Variants in LDAH observed in about 807,000 individuals in gnomAD.
The protein encoded by LDAH is lipid droplet associated hydrolase.
A neutral mutation model predicts 29.6 loss-of-function variants in LDAH; 26 were observed. The observed-to-expected ratio is 0.88, with a 90% CI of 0.64 to 1.22. LDAH has a LOEUF of 1.22. Among genes scored for constraint, LDAH ranks in the 50% most tolerant of loss-of-function variants. The probability of loss-of-function intolerance (pLI) is 0.00; values close to 1 mark genes in which losing one functional copy is unlikely to be tolerated. For missense variants in LDAH, 344 were observed against 387.3 expected, an observed-to-expected ratio of 0.89 and a Z score of 0.94; for synonymous variants, 117 against 133.0, an observed-to-expected ratio of 0.88 and a Z score of 0.83.
chr2:20,767,556 C>A (rs1479767050), intron 4 of LDAH, among the ~76,000 whole-genome samples: 1 of 152,218 alleles, frequency 6.6e-6, no homozygotes, highest in Non-Finnish European at 1.5e-5. Flanking sequence ...CTGCAGGTGC[C>A]CCTTGGCACA....
intron 4 of LDAH, among the ~76,000 whole-genome samples, chr2:20,762,428 A>G (rs1420598568): frequency 2.0e-5 from 3 of 152,196 alleles, no homozygotes; most frequent in Admixed American, 2.0e-4. Flanking sequence ...GAAAACTACT[A>G]TAAGCCACCT....
chr2:20,708,805 G>C (rs976766274), intron 5 of LDAH, among the ~76,000 whole-genome samples: 1 of 152,030 alleles, frequency 6.6e-6, no homozygotes. Flanking sequence ...AAGCACAAGT[G>C]ACAAAAATAA....
chr2:20,751,597 T>A (rs1375410648), intron 4 of LDAH, among the ~76,000 whole-genome samples: 4 of 152,238 alleles, frequency 2.6e-5, no homozygotes, highest in Non-Finnish European at 5.9e-5. Flanking sequence ...AATGCATTTA[T>A]TCTATTTACA....
chr2:20,801,565 C>A, intron 1 of LDAH, 100 bp from the exon 2 acceptor site: 1 of 941,568 alleles, frequency 1.1e-6, no homozygotes, highest in South Asian at 1.6e-5. Flanking sequence ...TTCAATATAC[C>A]TAGAAGGAAA....
chr2:20,760,492 T>C (rs762512815), intron 4 of LDAH, among the ~76,000 whole-genome samples: 5 of 152,218 alleles, frequency 3.3e-5, no homozygotes, highest in Non-Finnish European at 5.9e-5. Context: ...CTTACCAGAC[T>C]GCAATCAAGG....
At chr2:20,817,036 C>G (rs1206280499) in intron 1 of LDAH, among the ~76,000 whole-genome samples, 1 of 151,820 alleles carries the variant, frequency 6.6e-6, no homozygotes, top group African/African-American at 2.4e-5. Flanking sequence ...AAATACAAGA[C>G]AGCAAAATTT....
intron 6 of LDAH, among the ~76,000 whole-genome samples, chr2:20,699,115 C>A (rs1663721717): frequency 6.6e-6 from 1 of 152,178 alleles, no homozygotes; most frequent in South Asian, 2.1e-4. Flanking sequence ...TTTTTCAGAA[C>A]TATTTTTAGT....
chr2:20,715,982 A>T (rs1175661555), intron 5 of LDAH, among the ~76,000 whole-genome samples: 3 of 152,156 alleles, frequency 2.0e-5, no homozygotes, highest in Admixed American at 1.3e-4. Context: ...AAAAATGCTC[A>T]TCATCACTGG....
chr2:20,689,805 T>C (rs1368967271), intron 6 of LDAH, among the ~76,000 whole-genome samples: 1 of 152,152 alleles, frequency 6.6e-6, no homozygotes, highest in Non-Finnish European at 1.5e-5. Flanking sequence ...ACCTGTCAGG[T>C]CTGTTCCTCT....
chr2:20,772,631 C>A (rs540445547), intron 4 of LDAH, among the ~76,000 whole-genome samples: 53 of 152,294 alleles, frequency 3.5e-4, no homozygotes, highest in African/African-American at 1.3e-3. Context: ...TTGATTCTAA[C>A]AAGAATACAG....
intron 3 of LDAH, among the ~76,000 whole-genome samples, chr2:20,784,841 T>G (rs561105654): frequency 1.3e-5 from 2 of 151,896 alleles, no homozygotes; most frequent in Admixed American, 6.6e-5. Context: ...GGGCCAAGAT[T>G]GTACCAATGT....
At chr2:20,794,352 A>C (rs1016779543) in intron 2 of LDAH, among the ~76,000 whole-genome samples, 11 of 152,162 alleles carry the variant, frequency 7.2e-5, no homozygotes, top group African/African-American at 2.4e-4. Context: ...GGACACAGCC[A>C]AACCATATCA....
intron 6 of LDAH, among the ~76,000 whole-genome samples, chr2:20,692,698 C>T (rs577058794): frequency 2.0e-5 from 3 of 152,278 alleles, no homozygotes; most frequent in South Asian, 4.1e-4. Flanking sequence ...TTGGTACAAA[C>T]GATATCTCAT....
chr2:20,698,677 CT>C lies in LDAH; in HGVS notation c.786+2892del, dbSNP rs1663687758. Reference sequence around the variant, plus strand: ...CCTGGGCGACAGTGCAAGACTCTGTCTCAAAAAAACAAAAAAAGGAAAAAGA... The same window carrying C: ...CCTGGGCGACAGTGCAAGACTCTGTCCAAAAAAACAAAAAAAGGAAAAAGA... On this transcript the variant is annotated intron_variant, in intron 6 of 6. Coordinates refer to ENST00000237822, the MANE Select transcript of LDAH (RefSeq NM_021925.4). This position sits in a 1 kb window ranked among gnomAD's most constrained non-coding sequence, Gnocchi z 4.4. Among the ~76,000 whole-genome samples the C allele has an allele frequency of 6.6e-6, 1 of 151,814 alleles. No individual in the cohort carries two copies. The highest frequency in any genetic ancestry group is 2.4e-5 in the African/African-American group (1 of 41,308).
chr2:20,822,149 G>C (rs543948758), intron 1 of LDAH, among the ~76,000 whole-genome samples: 1 of 147,290 alleles, frequency 6.8e-6, no homozygotes, highest in South Asian at 2.1e-4. Flanking sequence ...TTTTGAGACT[G>C]AGTCTCACTT....
chr2:20,721,740 A>T (rs1187227709), intron 5 of LDAH, among the ~76,000 whole-genome samples: 1 of 152,170 alleles, frequency 6.6e-6, no homozygotes, highest in Non-Finnish European at 1.5e-5. Flanking sequence ...TTCCCAAAAA[A>T]CTAAAACTAG....
intron 6 of LDAH, among the ~76,000 whole-genome samples, chr2:20,689,308 T>C (rs1302562369): frequency 6.6e-6 from 1 of 152,190 alleles, no homozygotes; most frequent in Non-Finnish European, 1.5e-5. Flanking sequence ...TTCTCCTACT[T>C]TTCCTCACTC....
intron 1 of LDAH, among the ~76,000 whole-genome samples, chr2:20,822,615 T>C (rs1558513119): frequency 6.6e-6 from 1 of 152,214 alleles, no homozygotes; most frequent in Non-Finnish European, 1.5e-5. Context: ...GGTTAAGGTC[T>C]TCAGCGTGAA....
At chr2:20,769,355 T>C (rs1468645588) in intron 4 of LDAH, among the ~76,000 whole-genome samples, 1 of 152,202 alleles carries the variant, frequency 6.6e-6, no homozygotes, top group Non-Finnish European at 1.5e-5. Context: ...CACTTGAATC[T>C]AGGGATAGGA....
Sources: allele counts gnomAD v4.1 joint callset (sites outside exome capture counted in the v4.1 genomes callset), GRCh38; gene constraint gnomAD v4.1.1; non-coding constraint Gnocchi (gnomAD v3.1); transcripts MANE v1.5; gene names NCBI Gene and HGNC (gene_info 2026-07-23, HGNC 2026-07-21).